The following GPHN variants were observed in gnomAD, a reference collection of about 807,000 sequenced individuals.
GPHN encodes the protein gephyrin.
GPHN carries 17 observed loss-of-function variants against 95.5 expected under a neutral mutation model. The observed-to-expected ratio is 0.18, with a 90% CI of 0.12 to 0.27. GPHN has a LOEUF of 0.27. Among genes scored for constraint, GPHN ranks in the 10% least tolerant of loss-of-function variants. GPHN has a pLI of 1.00. For missense variants in GPHN, 660 were observed against 978.1 expected, an observed-to-expected ratio of 0.67 and a Z score of 4.34; for synonymous variants, 320 against 322.5, an observed-to-expected ratio of 0.99 and a Z score of 0.08.
chr14:66,744,380 C>T (rs1480970960), intron 2 of GPHN, among the ~76,000 whole-genome samples: 2 of 152,196 alleles, frequency 1.3e-5, no homozygotes, highest in Non-Finnish European at 2.9e-5. Context: ...ATCTGTTCCT[C>T]TTCAGCATTA....
chr14:67,300,484 C>T, the GPHN span, among the ~76,000 whole-genome samples: 4 of 152,210 alleles, frequency 2.6e-5, no homozygotes, highest in Admixed American at 1.3e-4. Flanking sequence ...CACGCCACCA[C>T]GCCTGGCTAA....
intron 20 of GPHN, among the ~76,000 whole-genome samples, chr14:67,166,860 G>A (rs1046973927): frequency 6.6e-6 from 1 of 152,104 alleles, no homozygotes; most frequent in Non-Finnish European, 1.5e-5. Context: ...TGTAGAGACG[G>A]GGTTTCACCA....
rs192111628 is a variant in GPHN at position 67,148,647 on chromosome 14, G to A, written c.1836+5198G>A. On this transcript the variant is annotated intron_variant, in intron 18 of 22. Transcript: ENST00000478722. ...GCCATCTCGGCTCACTGCAAGCTCC[G>A]CCTCCCGGGTTCATGCCATTCTCCC... is the stretch of plus-strand genomic sequence containing the variant. Among the ~76,000 whole-genome samples the A allele has an allele frequency of 3.5e-3, 478 of 137,716 alleles. 5 individuals are homozygous for A. Among genetic ancestry groups the A allele is most frequent in the African/African-American group, 0.012 (438 of 35,534 alleles). 90.3% of individuals were successfully genotyped at this position (137,716 alleles called of 152,430 possible).
At chr14:66,817,342 C>T (rs2061014771) in intron 3 of GPHN, among the ~76,000 whole-genome samples, 1 of 151,762 alleles carries the variant, frequency 6.6e-6, no homozygotes, top group Non-Finnish European at 1.5e-5. Context: ...AGACTTTGTG[C>T]CAATTTATTT....
intron 1 of GPHN, among the ~76,000 whole-genome samples, chr14:66,610,661 A>G (rs1439554882): frequency 6.6e-6 from 1 of 152,166 alleles, no homozygotes; most frequent in Non-Finnish European, 1.5e-5. Context: ...TTGTTAAAGT[A>G]CATTAAGGAA....
the GPHN span, among the ~76,000 whole-genome samples, chr14:67,441,595 A>T: frequency 6.6e-6 from 1 of 152,118 alleles, no homozygotes; most frequent in Non-Finnish European, 1.5e-5. Context: ...GCTCAACATT[A>T]TTTGGGGTAT....
At chr14:67,018,364 T>TA in intron 9 of GPHN, among the ~76,000 whole-genome samples, 1 of 150,540 alleles carries the variant, frequency 6.6e-6, no homozygotes, top group Non-Finnish European at 1.5e-5. Flanking sequence ...AACTTGGGAA[T>TA]TTTTTTTTAA....
At chr14:66,637,436 T>C (rs1467649666) in intron 1 of GPHN, among the ~76,000 whole-genome samples, 3 of 152,074 alleles carry the variant, frequency 2.0e-5, no homozygotes, top group African/African-American at 7.2e-5. Flanking sequence ...CATCAGAAAA[T>C]ATAATTTTAG....
chr14:67,102,951 A>G (rs537758951), intron 13 of GPHN, among the ~76,000 whole-genome samples: 3 of 152,194 alleles, frequency 2.0e-5, no homozygotes, highest in Non-Finnish European at 4.4e-5. Context: ...ACCAAGCTGG[A>G]TTTCATTACC....
chr14:67,690,578 T>A, the GPHN span: 4 of 640,896 alleles, frequency 6.2e-6, no homozygotes, highest in Admixed American at 1.1e-4. Context: ...TAATGAAGGT[T>A]TAGGGAAATA....
the GPHN span, among the ~76,000 whole-genome samples, chr14:67,324,418 C>G: frequency 2.0e-5 from 3 of 152,050 alleles, no homozygotes; most frequent in South Asian, 6.2e-4. Flanking sequence ...GTAACATGTT[C>G]TTCCTTGTTT....
chr14:66,734,552 C>T (rs7156240), intron 2 of GPHN, among the ~76,000 whole-genome samples: 49,692 of 152,072 alleles, frequency 0.33, 11,888 homozygotes, highest in African/African-American at 0.65. Flanking sequence ...TTTTCTCCCT[C>T]ATTTAATTTT....
At chr14:67,694,515 T>C in the GPHN span, among the ~76,000 whole-genome samples, 26 of 136,438 alleles carry the variant, frequency 1.9e-4, no homozygotes, top group African/African-American at 6.5e-4. Context: ...TACACACATA[T>C]ATTTTTTTTT....
chr14:67,644,997 TAAAA>T, the GPHN span, among the ~76,000 whole-genome samples: 1 of 132,434 alleles, frequency 7.6e-6, no homozygotes, highest in South Asian at 2.4e-4. Flanking sequence ...GACTCCGTCT[TAAAA>T]AAAAAAAAAA....
chr14:67,677,384 T>TTG, the GPHN span: 1 of 144,038 alleles, frequency 6.9e-6, no homozygotes, highest in Non-Finnish European at 1.5e-5. Context: ...TTTTTTTTTT[T>TTG]TTTTTTTTGC....
intron 1 of GPHN, among the ~76,000 whole-genome samples, chr14:66,673,476 G>A (rs1266340636): frequency 6.6e-6 from 1 of 152,202 alleles, no homozygotes; most frequent in Non-Finnish European, 1.5e-5. Context: ...TTCACAAGCA[G>A]TGTGAGAAAA....
the GPHN span, among the ~76,000 whole-genome samples, chr14:67,429,714 T>C: frequency 6.6e-6 from 1 of 151,942 alleles, no homozygotes; most frequent in Non-Finnish European, 1.5e-5. Context: ...CCAGCCTGGG[T>C]GACAGAGCAA....
At chr14:66,758,030 G>T (rs141982603) in intron 2 of GPHN, among the ~76,000 whole-genome samples, 84 of 152,326 alleles carry the variant, frequency 5.5e-4, no homozygotes, top group African/African-American at 1.9e-3. Context: ...TATGGACTTA[G>T]AATGGGGAGT....
intron 8 of GPHN, among the ~76,000 whole-genome samples, chr14:66,951,855 A>G (rs910946754): frequency 6.6e-6 from 1 of 152,222 alleles, no homozygotes; most frequent in Non-Finnish European, 1.5e-5. Flanking sequence ...CAGGCTATTT[A>G]TATGAAAATA....
Sources: allele counts gnomAD v4.1 joint callset (sites outside exome capture counted in the v4.1 genomes callset), GRCh38; gene constraint gnomAD v4.1.1; transcripts MANE v1.5; gene names NCBI Gene and HGNC (gene_info 2026-07-23, HGNC 2026-07-21).